PRKCA: variants seen among roughly 807,000 people sequenced by gnomAD.
The protein encoded by PRKCA is protein kinase C alpha.
In PRKCA, 27 loss-of-function variants were observed where a neutral mutation model predicts 87.0. The ratio of observed to expected loss-of-function variants is 0.31; its 90% CI spans 0.23 to 0.43. PRKCA has a LOEUF of 0.43. Among genes scored for constraint, PRKCA ranks in the 20% least tolerant of loss-of-function variants. The pLI, the probability that PRKCA is intolerant of heterozygous loss-of-function variation, is 1.00. For missense variants in PRKCA, 518 were observed against 852.3 expected (o/e 0.61, Z 4.88); for synonymous variants, 329 against 311.1 (o/e 1.06, Z -0.61).
intron 2 of PRKCA, among the ~76,000 whole-genome samples, chr17:66,495,554 T>TTTATTTTATTTTA (rs1417569045): frequency 1.5e-4 from 23 of 151,312 alleles, no homozygotes; most frequent in Admixed American, 2.6e-4. Flanking sequence ...TTTATTTTAT[T>TTTATTTTATTTTA]TTATTTTATT....
intron 2 of PRKCA, among the ~76,000 whole-genome samples, chr17:66,457,628 C>T (rs1914629755): frequency 6.6e-6 from 1 of 152,082 alleles, no homozygotes; most frequent in Non-Finnish European, 1.5e-5. Context: ...TAGTTACCTC[C>T]ATGCTGTTCT....
At chr17:66,709,168 C>CTGAT (rs781725793) in intron 8 of PRKCA, among the ~76,000 whole-genome samples, 16 of 152,278 alleles carry the variant, frequency 1.1e-4, no homozygotes, top group South Asian at 8.3e-4. Flanking sequence ...ATCTGATCAT[C>CTGAT]TGATCCCTCT....
intron 2 of PRKCA, among the ~76,000 whole-genome samples, chr17:66,389,367 C>A (rs562218853): frequency 2.6e-5 from 4 of 152,202 alleles, no homozygotes; most frequent in East Asian, 1.9e-4. Flanking sequence ...AGGAACAGCA[C>A]GCGGGGTTCA....
intron 3 of PRKCA, among the ~76,000 whole-genome samples, chr17:66,562,155 TATATATATAATTAA>T (rs1420942369): frequency 6.7e-4 from 23 of 34,268 alleles, no homozygotes; most frequent in Non-Finnish European, 1.0e-3. Flanking sequence ...ATAATTAAAT[TATATATATAATTAA>T]ATATATATAA....
At chr17:66,685,130 T>C (rs893962274) in intron 5 of PRKCA, among the ~76,000 whole-genome samples, 4 of 152,190 alleles carry the variant, frequency 2.6e-5, no homozygotes, top group African/African-American at 9.7e-5. Flanking sequence ...CGGAACATCA[T>C]GCCTGGGGTA....
chr17:66,402,653 T>C (rs1402036014), intron 2 of PRKCA, among the ~76,000 whole-genome samples: 1 of 152,118 alleles, frequency 6.6e-6, no homozygotes, highest in Non-Finnish European at 1.5e-5. Context: ...GTCAAGTGGC[T>C]CTGGGTGACA....
chr17:66,403,383 A>AC (rs1799464294), intron 2 of PRKCA, among the ~76,000 whole-genome samples: 2 of 152,322 alleles, frequency 1.3e-5, no homozygotes, highest in African/African-American at 4.8e-5. Context: ...ACACCTACAT[A>AC]CACAGCTCTG....
chr17:66,607,943 C>T (rs114899422), intron 3 of PRKCA, among the ~76,000 whole-genome samples: 134 of 152,324 alleles, frequency 8.8e-4, no homozygotes, highest in African/African-American at 3.1e-3. Context: ...TCTGAAGTCT[C>T]TTCCATTTTA....
chr17:66,563,791 G>C (rs974406062), intron 3 of PRKCA, among the ~76,000 whole-genome samples: 2 of 152,212 alleles, frequency 1.3e-5, no homozygotes, highest in African/African-American at 4.8e-5. Flanking sequence ...TCCAAATGGA[G>C]ATGTTTGTAC....
chr17:66,460,562 C>G (rs1425269454), intron 2 of PRKCA, among the ~76,000 whole-genome samples: 1 of 152,180 alleles, frequency 6.6e-6, no homozygotes. Context: ...ACTAAAATCA[C>G]TCTATAGCTG....
At chr17:66,696,331 A>T (rs1598880648) in intron 8 of PRKCA, 1 of 152,340 alleles carries the variant, frequency 6.6e-6, no homozygotes, top group Admixed American at 6.5e-5. Flanking sequence ...AATTTAAAAT[A>T]GCCATAGTTT....
At chr17:66,368,056 T>C (rs1908836325) in intron 2 of PRKCA, among the ~76,000 whole-genome samples, 1 of 152,140 alleles carries the variant, frequency 6.6e-6, no homozygotes, top group East Asian at 1.9e-4. Context: ...TGGTCAATAC[T>C]GTGAACTCAG....
At chr17:66,645,587 G>T (rs539926887) in intron 5 of PRKCA, 76 bp downstream of exon 5, 5 of 1,586,354 alleles carry the variant, frequency 3.2e-6, no homozygotes, top group Non-Finnish European at 2.6e-6. Context: ...AAGGCAGGGT[G>T]GGGGCTGGGC....
intron 14 of PRKCA, chr17:66,777,962 A>G (rs770755474): frequency 1.8e-5 from 18 of 985,074 alleles, no homozygotes; most frequent in Non-Finnish European, 2.0e-5. Context: ...TTCTTCTGGC[A>G]GAGAAGTCCC....
intron 3 of PRKCA, among the ~76,000 whole-genome samples, chr17:66,578,518 C>A (rs971506859): frequency 1.3e-5 from 2 of 152,288 alleles, no homozygotes; most frequent in East Asian, 3.9e-4. Flanking sequence ...ATCTGGTCAA[C>A]AAGAGCAAAA....
At chr17:66,769,424 A>G (rs1429924484) in intron 13 of PRKCA, among the ~76,000 whole-genome samples, 1 of 151,824 alleles carries the variant, frequency 6.6e-6, no homozygotes, top group African/African-American at 2.4e-5. Context: ...TGTGTTTAAT[A>G]CTTTGCTTTG....
chr17:66,520,262 G>T (rs1004408366), intron 3 of PRKCA, among the ~76,000 whole-genome samples: 1 of 151,410 alleles, frequency 6.6e-6, no homozygotes. Context: ...CTGGGATTAC[G>T]GGTGCCTACC....
At chr17:66,353,829 T>A (rs1333982245) in intron 2 of PRKCA, among the ~76,000 whole-genome samples, 1 of 152,182 alleles carries the variant, frequency 6.6e-6, no homozygotes, top group East Asian at 1.9e-4. Context: ...TTTATAGCCC[T>A]GGTGGGCTGC....
chr17:66,408,162 T>C (rs1911531674), intron 2 of PRKCA, among the ~76,000 whole-genome samples: 1 of 152,212 alleles, frequency 6.6e-6, no homozygotes, highest in African/African-American at 2.4e-5. Context: ...GTAATCAAAA[T>C]AGGTTGTCCA....
Sources: allele counts gnomAD v4.1 joint callset (sites outside exome capture counted in the v4.1 genomes callset), GRCh38; gene constraint gnomAD v4.1.1; transcripts MANE v1.5; gene names NCBI Gene and HGNC (gene_info 2026-07-23, HGNC 2026-07-21).